JPT2: variants seen among roughly 807,000 people sequenced by gnomAD.
JPT2 encodes the protein CRAMP_1 like.
Under a neutral mutation model 15.9 loss-of-function variants are expected in JPT2, and 9 were observed. The observed-to-expected ratio is 0.57, with a 90% CI of 0.34 to 0.99. The LOEUF (loss-of-function observed/expected upper bound fraction) is 0.99. JPT2 is among the 50% of genes least tolerant of loss of function. The probability of loss-of-function intolerance (pLI) is 0.02; values close to 1 mark genes in which losing one functional copy is unlikely to be tolerated. For synonymous variants in JPT2, 95 were observed against 91.7 expected (o/e 1.04, Z -0.21); for missense variants, 267 against 252.1 (o/e 1.06, Z -0.40).
At chr16:1,680,024 A>C (rs1479630943) in intron 1 of JPT2, among the ~76,000 whole-genome samples, 2 of 152,214 alleles carry the variant, frequency 1.3e-5, no homozygotes, top group East Asian at 3.9e-4. Flanking sequence ...ACACCACTGC[A>C]CTCCAGCCTG....
Position 1,700,669 on chromosome 16 carries a change from A to G in JPT2, c.*1671A>G, listed in dbSNP as rs986734270. The G allele has an allele frequency of 1.9e-5, 3 of 154,118 alleles. No homozygotes were observed. The highest frequency in any genetic ancestry group is 7.2e-5 in the African/African-American group (3 of 41,460). The allele number at this position is 154,118 out of a possible 1,614,324, so 9.5% of individuals were successfully genotyped here. ...AGAAACACTCTGTGTGACTCTACAC[A>G]CACTTCAGGTGGTTTGTGCTTCAAA... On this transcript the variant is annotated 3_prime_UTR_variant, in exon 5 of 5. Coordinates refer to ENST00000248098, the MANE Select transcript of JPT2 (RefSeq NM_144570.3).
intron 3 of JPT2, among the ~76,000 whole-genome samples, chr16:1,694,068 T>C (rs2037123826): frequency 6.6e-6 from 1 of 152,156 alleles, no homozygotes; most frequent in South Asian, 2.1e-4. Flanking sequence ...CTGCATGAAG[T>C]GTGTGTTAGG....
At chr16:1,679,093 C>T (rs2036999191) in intron 1 of JPT2, among the ~76,000 whole-genome samples, 1 of 152,198 alleles carries the variant, frequency 6.6e-6, no homozygotes. Context: ...TGTTTTTGAA[C>T]TTTTAAAGCA....
At chr16:1,682,142 G>A (rs913488768) in intron 1 of JPT2, among the ~76,000 whole-genome samples, 12 of 152,136 alleles carry the variant, frequency 7.9e-5, no homozygotes, top group Non-Finnish European at 1.2e-4. Context: ...TTGGGAGGCC[G>A]AGGCGGGCGG....
chr16:1,684,392 A>G (rs1407032438), intron 1 of JPT2, among the ~76,000 whole-genome samples: 2 of 152,202 alleles, frequency 1.3e-5, no homozygotes, highest in Admixed American at 1.3e-4. Flanking sequence ...TGCTCTAGAA[A>G]TAGAGCTTTG....
intron 3 of JPT2, among the ~76,000 whole-genome samples, chr16:1,696,750 G>C (rs2037145056): frequency 6.6e-6 from 1 of 152,238 alleles, no homozygotes; most frequent in African/African-American, 2.4e-5. Context: ...TAATAACTGG[G>C]GACATGCACA....
At chr16:1,694,726 G>T (rs998601245) in intron 3 of JPT2, among the ~76,000 whole-genome samples, 1 of 151,748 alleles carries the variant, frequency 6.6e-6, no homozygotes, top group Non-Finnish European at 1.5e-5. Flanking sequence ...AGATCATCCA[G>T]TGGGGAAAGA....
In JPT2 at chr16:1,678,339, C is replaced by G; in HGVS notation, c.27C>G (p.Gly9=). 1 of 1,229,708 alleles carries G rather than the reference C, an allele frequency of 8.1e-7. No individual in the cohort carries two copies. Among genetic ancestry groups the G allele is most frequent in the Non-Finnish European group, 1.0e-6 (1 of 983,950 alleles). The allele number at this position is 1,229,708 out of a possible 1,614,324, so 76.2% of individuals were successfully genotyped here. Residue 9 remains glycine, a synonymous_variant, in exon 1 of 5, where the codon GGC becomes GGG. Coordinates refer to ENST00000248098, the MANE Select transcript of JPT2 (RefSeq NM_144570.3). MFQVPDSE[G]GRAGSRAMKP... ...TGTTCCAGGTCCCGGATAGCGAGGG[C>G]GGCCGCGCCGGCTCCAGGTGCGGCG...
intron 3 of JPT2, among the ~76,000 whole-genome samples, chr16:1,696,732 A>G (rs2037144931): frequency 6.6e-6 from 1 of 152,236 alleles, no homozygotes; most frequent in African/African-American, 2.4e-5. Context: ...AAAGATGGTC[A>G]GTGTTATTAA....
chr16:1,693,634 C>G (rs1156714326), intron 3 of JPT2, among the ~76,000 whole-genome samples: 1 of 152,098 alleles, frequency 6.6e-6, no homozygotes, highest in African/African-American at 2.4e-5. Flanking sequence ...GGGCATAGAA[C>G]AAGTGGAAAC....
Position 1,698,743 on chromosome 16 carries a change from C to A in JPT2, c.386-68C>A. 1 of 1,482,334 alleles carries A rather than the reference C, an allele frequency of 6.7e-7. No individual in the cohort carries two copies. The highest frequency in any genetic ancestry group is 1.3e-5 in the South Asian group (1 of 74,824). 91.8% of individuals were successfully genotyped at this position (1,482,334 alleles called of 1,614,324 possible). A position where few individuals can be genotyped will look rare whatever the true frequency, so the allele number is the denominator to read the frequency against. On this transcript the variant is annotated intron_variant, in intron 4 of 4. Transcript: ENST00000248098. The surrounding 1 kb of genome is among the most constrained non-coding windows in gnomAD (Gnocchi z 4.9). ...TTGCTCTATGACACACTTTTTATTT[C>A]CACAGCCTGCCTGTCAGGGTCATGG...
intron 3 of JPT2, among the ~76,000 whole-genome samples, chr16:1,696,499 C>T (rs1431849396): frequency 6.7e-6 from 1 of 149,060 alleles, no homozygotes; most frequent in Non-Finnish European, 1.5e-5. Context: ...CCAGCCTGGG[C>T]AACAGAGTGA....
chr16:1,684,337 C>CA (rs2037047540), intron 1 of JPT2, among the ~76,000 whole-genome samples: 1 of 152,128 alleles, frequency 6.6e-6, no homozygotes. Flanking sequence ...AAAGTTTTTC[C>CA]AGTTGTTATG....
intron 3 of JPT2, among the ~76,000 whole-genome samples, chr16:1,692,758 T>G (rs2037113043): frequency 6.6e-6 from 1 of 152,246 alleles, no homozygotes; most frequent in African/African-American, 2.4e-5. Flanking sequence ...GCGATATTTT[T>G]TCATCTATTC....
intron 2 of JPT2, chr16:1,688,453 A>AT (rs1369281014): frequency 5.9e-5 from 9 of 152,248 alleles, no homozygotes; most frequent in African/African-American, 2.2e-4. Flanking sequence ...AGATCAGATG[A>AT]TATATGAGTT....
chr16:1,681,503 A>C (rs2037022936), intron 1 of JPT2, among the ~76,000 whole-genome samples: 4 of 151,978 alleles, frequency 2.6e-5, no homozygotes, highest in African/African-American at 9.7e-5. Flanking sequence ...AGTAACTACC[A>C]CTCACCTCCT....
rs959074799 is a variant in JPT2 at position 1,699,528 on chromosome 16, A to G, written c.*530A>G. 7 of 319,786 alleles carry G rather than the reference A, an allele frequency of 2.2e-5. No individual in the cohort carries two copies. Among genetic ancestry groups the G allele is most frequent in the Admixed American group, 4.0e-5 (1 of 25,072 alleles). 19.8% of individuals were successfully genotyped at this position (319,786 alleles called of 1,614,324 possible). ...TGTAGTCTTTTCTTGAAACATCTTG[A>G]TTGCTTTTCCTCGGCAGCTTTCAAA... On this transcript the variant is annotated 3_prime_UTR_variant, in exon 5 of 5. Coordinates refer to ENST00000248098, the MANE Select transcript of JPT2 (RefSeq NM_144570.3).
At position 1,678,339 on chromosome 16, in the gene JPT2, C is replaced by T. The variant is rs897987672; in HGVS notation, c.27C>T (p.Gly9=). Residue 9 remains glycine (G), a synonymous_variant, in exon 1 of 5, where the codon GGC becomes GGT. Coordinates refer to ENST00000248098, the MANE Select transcript of JPT2 (RefSeq NM_144570.3). MFQVPDSE[G]GRAGSRAMKP... The stretch of plus-strand genomic sequence containing the variant: ...TGTTCCAGGTCCCGGATAGCGAGGG[C>T]GGCCGCGCCGGCTCCAGGTGCGGCG... 3.1e-5 allele frequency: 38 copies of T among 1,229,604 alleles called. No homozygotes were observed. Among genetic ancestry groups the T allele is most frequent in the African/African-American group, 1.3e-4 (8 of 63,918 alleles). 76.2% of individuals were successfully genotyped at this position (1,229,604 alleles called of 1,614,324 possible).
rs71385710 is a variant in JPT2, at chr16:1,685,372, A to G, written c.45-67A>G. 14,284 of 1,554,460 alleles carry G rather than the reference A, an allele frequency of 9.2e-3. 102 individuals are homozygous for G. Among genetic ancestry groups the G allele is most frequent in the Non-Finnish European group, 9.8e-3 (11,160 of 1,139,748 alleles). ...ACTTTTACCCTGTCTAGTTGTGCCA[A>G]AATCCTTGCACAGTGACAAGCTTTC... On this transcript the variant is annotated intron_variant, in intron 1 of 4. Coordinates refer to ENST00000248098, the MANE Select transcript of JPT2 (RefSeq NM_144570.3).
Sources: allele counts gnomAD v4.1 joint callset (sites outside exome capture counted in the v4.1 genomes callset), GRCh38; gene constraint gnomAD v4.1.1; non-coding constraint Gnocchi (gnomAD v3.1); transcripts MANE v1.5; gene names NCBI Gene and HGNC (gene_info 2026-07-23, HGNC 2026-07-21).